Variants in DPH6 observed in about 807,000 individuals in gnomAD.
DPH6 encodes diphthine--ammonia ligase.
In DPH6, 33 loss-of-function variants were observed where a neutral mutation model predicts 38.2. The observed-to-expected ratio is 0.86, with a 90% confidence interval of 0.65 to 1.15. DPH6 has a LOEUF of 1.15. DPH6 is among the 50% of genes most tolerant of loss of function. The pLI is 0.00. For synonymous variants in DPH6, 108 were observed against 103.0 expected (o/e 1.05, Z -0.30); for missense variants, 325 against 320.0 (o/e 1.02, Z -0.12).
rs187353353 is a variant in DPH6, at chr15:35,404,494, C to T, written c.567+6341G>A. Among the ~76,000 whole-genome samples, 6 of 152,260 alleles carry T rather than the reference C, an allele frequency of 3.9e-5. No homozygotes were observed. The East Asian group carries it at 1.2e-3, about 29-fold the overall frequency. ...TGATCAATGATGTTGAACACCTTTT[C>T]CTATGTCTGTTTGACACTTGTGTGT... On this transcript the variant is annotated intron_variant, in intron 6 of 8. Coordinates refer to ENST00000256538, the MANE Select transcript of DPH6 (RefSeq NM_080650.4).
At chr15:35,412,224 T>A (rs984296326) in intron 5 of DPH6, among the ~76,000 whole-genome samples, 2 of 151,576 alleles carry the variant, frequency 1.3e-5, no homozygotes, top group African/African-American at 4.8e-5. Context: ...TAAAGATATA[T>A]ATAAGCATAT....
intron 3 of DPH6, among the ~76,000 whole-genome samples, chr15:35,487,734 C>T (rs1398103672): frequency 6.6e-6 from 1 of 152,234 alleles, no homozygotes; most frequent in Non-Finnish European, 1.5e-5. Flanking sequence ...CTTCTCCTTA[C>T]TCATGCAAAT....
the DPH6 span, among the ~76,000 whole-genome samples, chr15:35,164,302 T>G: frequency 6.6e-6 from 1 of 152,040 alleles, no homozygotes; most frequent in East Asian, 1.9e-4. Context: ...AAATGCCATT[T>G]TAGACATCAC....
intron 3 of DPH6, among the ~76,000 whole-genome samples, chr15:35,498,415 GA>G (rs1555406560): frequency 6.6e-6 from 1 of 152,034 alleles, no homozygotes; most frequent in Non-Finnish European, 1.5e-5. Flanking sequence ...GAAAAATAAA[GA>G]ATTCTCTTGT....
intron 3 of DPH6, among the ~76,000 whole-genome samples, chr15:35,492,293 C>T (rs2054493816): frequency 6.6e-6 from 1 of 152,112 alleles, no homozygotes; most frequent in South Asian, 2.1e-4. Context: ...GAAACACTCT[C>T]ACGGACACAC....
chr15:35,215,570 G>A (rs555705464), downstream of DPH6, among the ~76,000 whole-genome samples: 3 of 151,888 alleles, frequency 2.0e-5, no homozygotes, highest in Admixed American at 6.5e-5. Flanking sequence ...ATTTTTTTTT[G>A]TAGAGATGGA....
At chr15:35,343,158 T>G (rs2140880613) in intron 3 of DPH6, among the ~76,000 whole-genome samples, 1 of 152,300 alleles carries the variant, frequency 6.6e-6, no homozygotes, top group African/African-American at 2.4e-5. Context: ...CAATATTAGA[T>G]GAAATACAAC....
At chr15:35,422,535 A>T (rs2053518843) in intron 5 of DPH6, among the ~76,000 whole-genome samples, 1 of 151,902 alleles carries the variant, frequency 6.6e-6, no homozygotes, top group Non-Finnish European at 1.5e-5. Flanking sequence ...AAATTAACAT[A>T]CCCATCTCCT....
chr15:35,420,124 A>G (rs1296311495), intron 5 of DPH6, among the ~76,000 whole-genome samples: 1 of 152,194 alleles, frequency 6.6e-6, no homozygotes, highest in Admixed American at 6.6e-5. Flanking sequence ...TATCAATAAA[A>G]GGAAGAATCA....
intron 3 of DPH6, chr15:35,237,889 CGAG>C (rs200579531): frequency 2.7e-4 from 384 of 1,434,992 alleles, no homozygotes; most frequent in Non-Finnish European, 3.2e-4. Context: ...TAGTGGAGGA[CGAG>C]GAGGAGGAGG....
At chr15:35,298,097 A>T (rs1253005555) in intron 3 of DPH6, among the ~76,000 whole-genome samples, 1 of 152,130 alleles carries the variant, frequency 6.6e-6, no homozygotes, top group Non-Finnish European at 1.5e-5. Flanking sequence ...GCCACAAAAT[A>T]AAAAAGGGAT....
intron 3 of DPH6, among the ~76,000 whole-genome samples, chr15:35,462,056 T>C (rs958379139): frequency 1.3e-5 from 2 of 152,282 alleles, no homozygotes; most frequent in East Asian, 1.9e-4. Flanking sequence ...AAACTTTAGA[T>C]TCACTCATGA....
At chr15:35,172,401 C>T in the DPH6 span, among the ~76,000 whole-genome samples, 3 of 152,072 alleles carry the variant, frequency 2.0e-5, no homozygotes, top group African/African-American at 7.2e-5. Context: ...TGTTGGTGCT[C>T]AAAAAGTTTT....
intron 3 of DPH6, among the ~76,000 whole-genome samples, chr15:35,286,752 T>A (rs1487894990): frequency 6.6e-6 from 1 of 152,220 alleles, no homozygotes; most frequent in Admixed American, 6.5e-5. Context: ...TGGTGAGATG[T>A]ATACTTATTT....
the DPH6 span, among the ~76,000 whole-genome samples, chr15:35,198,920 CTT>C: frequency 1.4e-5 from 2 of 145,566 alleles, no homozygotes; most frequent in Admixed American, 6.9e-5. Flanking sequence ...TTGTCTTCTT[CTT>C]TTTTTTTTTA....
At chr15:35,180,738 T>C in the DPH6 span, among the ~76,000 whole-genome samples, 5 of 152,170 alleles carry the variant, frequency 3.3e-5, no homozygotes, top group Non-Finnish European at 7.3e-5. Flanking sequence ...TCCTCCCATC[T>C]CAGCCTCCCA....
chr15:35,507,306 T>A (rs2054707607), intron 3 of DPH6, among the ~76,000 whole-genome samples: 1 of 152,052 alleles, frequency 6.6e-6, no homozygotes, highest in Admixed American at 6.5e-5. Context: ...CAAAATACTA[T>A]AATATAAAAA....
At chr15:35,323,502 A>G (rs749164971) in intron 3 of DPH6, among the ~76,000 whole-genome samples, 6 of 152,180 alleles carry the variant, frequency 3.9e-5, no homozygotes, top group Non-Finnish European at 8.8e-5. Flanking sequence ...CTTTGTCAAC[A>G]TCACTTTGCT....
the DPH6 span, among the ~76,000 whole-genome samples, chr15:35,146,130 C>G: frequency 2.7e-5 from 4 of 150,830 alleles, no homozygotes. Flanking sequence ...CATGCATGAG[C>G]ACTTTATTCA....
Sources: gnomAD v4.1 joint callset for allele counts (sites outside exome capture counted in the v4.1 genomes callset) on GRCh38, gnomAD v4.1.1 for gene constraint, MANE v1.5 for transcripts, NCBI Gene and HGNC (gene_info 2026-07-23, HGNC 2026-07-21) for gene names.